Variants in CIPC observed in about 807,000 individuals in gnomAD.
CIPC encodes CLOCK interacting pacemaker.
Under a neutral mutation model 26.7 loss-of-function variants are expected in CIPC, and 12 were observed. The ratio of observed to expected loss-of-function variants is 0.45; its 90% CI spans 0.29 to 0.73. CIPC has a LOEUF of 0.73. CIPC is among the 30% of genes least tolerant of loss of function. The pLI is 0.12. For synonymous variants in CIPC, 170 were observed against 189.8 expected (o/e 0.90, Z 0.86); for missense variants, 417 against 486.5 (o/e 0.86, Z 1.34).
chr14:77,111,479 G>C (rs1347257922), intron 3 of CIPC, among the ~76,000 whole-genome samples: 1 of 152,200 alleles, frequency 6.6e-6, no homozygotes, highest in Non-Finnish European at 1.5e-5. Context: ...TCTGCATGTT[G>C]TGTAATGTCT....
chr14:77,111,205 CCTT>C (rs1390687229), intron 3 of CIPC, among the ~76,000 whole-genome samples: 1 of 152,126 alleles, frequency 6.6e-6, no homozygotes, highest in Non-Finnish European at 1.5e-5. Context: ...TGTTTATATC[CCTT>C]CTTTGTTGTA....
intron 3 of CIPC, among the ~76,000 whole-genome samples, chr14:77,112,708 T>G (rs115541540): frequency 0.025 from 3,725 of 151,924 alleles, 161 homozygotes; most frequent in African/African-American, 0.083. Flanking sequence ...TCTGTTTTTT[T>G]TTGTTGTTGT....
At chr14:77,105,883 A>C (rs1566804524) in intron 2 of CIPC, 39 bp downstream of exon 2, 6 of 1,606,778 alleles carry the variant, frequency 3.7e-6, no homozygotes, top group Non-Finnish European at 5.1e-6. Flanking sequence ...TTGTGAGTGA[A>C]TGCTTTGCGT....
Position 77,114,459 on chromosome 14 carries a change from A to G in CIPC, c.*141A>G. ...TGGTTCACTTAGGAAGCCACGTGCC[A>G]ATACCTGGCTGCTGTCTTAACTCGT... is the stretch of plus-strand genomic sequence containing the variant. On this transcript the variant is annotated 3_prime_UTR_variant, in exon 4 of 4. Transcript: ENST00000361786. 1 of 834,588 alleles carries G rather than the reference A, an allele frequency of 1.2e-6. No individual in the cohort carries two copies. The highest frequency in any genetic ancestry group is 1.9e-6 in the Non-Finnish European group (1 of 531,890). The allele number at this position is 834,588 out of a possible 1,614,324, so 51.7% of individuals were successfully genotyped here.
At chr14:77,111,232 G>A (rs1444936240) in intron 3 of CIPC, among the ~76,000 whole-genome samples, 2 of 152,128 alleles carry the variant, frequency 1.3e-5, no homozygotes, top group Non-Finnish European at 2.9e-5. Context: ...TAGGCTGGCA[G>A]CTCCAGAAGG....
At position 77,113,473 on chromosome 14, in the gene CIPC, G is replaced by A; in HGVS notation, c.355G>A (p.Glu119Lys). The change falls in exon 4 of 4, where the codon GAA (glutamate) becomes AAA (lysine). Residue 119 changes from glutamate to lysine, a missense_variant. Coordinates refer to ENST00000361786, the MANE Select transcript of CIPC (RefSeq NM_033426.3). Reference protein sequence around the residue: ...LQSWTVQPSFEVISAQPQLLF... With the variant: ...LQSWTVQPSFKVISAQPQLLF... ...GTCGTGGACTGTCCAGCCCTCCTTT[G>A]AAGTGATCTCAGCACAGCCACAGCT... 6 of 1,614,118 alleles carry A rather than the reference G, an allele frequency of 3.7e-6. No individual in the cohort carries two copies. The highest frequency in any genetic ancestry group is 5.1e-6 in the Non-Finnish European group (6 of 1,180,024).
chr14:77,107,808 C>T (rs1436524220), intron 2 of CIPC, among the ~76,000 whole-genome samples: 1 of 152,128 alleles, frequency 6.6e-6, no homozygotes, highest in Admixed American at 6.5e-5. Context: ...TGATACTTAT[C>T]ATTAGCTACA....
intron 3 of CIPC, among the ~76,000 whole-genome samples, chr14:77,110,750 C>T (rs1886682547): frequency 6.6e-6 from 1 of 152,100 alleles, no homozygotes; most frequent in Admixed American, 6.6e-5. Context: ...TTAATCTTAC[C>T]GTACTTTCCT....
chr14:77,109,094 A>G (rs367847231), intron 2 of CIPC, among the ~76,000 whole-genome samples: 1 of 152,162 alleles, frequency 6.6e-6, no homozygotes, highest in Non-Finnish European at 1.5e-5. Context: ...TGGGCACTCA[A>G]TATGTACATT....
intron 2 of CIPC, among the ~76,000 whole-genome samples, chr14:77,107,578 C>G (rs577766743): frequency 3.3e-4 from 50 of 152,134 alleles, no homozygotes; most frequent in African/African-American, 1.1e-3. Context: ...AATGAATACC[C>G]CATATGTCTA....
At position 77,117,254 on chromosome 14, in the gene CIPC, C is replaced by A. The variant is rs1238202372; in HGVS notation, c.*2936C>A. 5.9e-5 allele frequency: 9 copies of A among 152,544 alleles called. No individual in the cohort carries two copies. The highest frequency in any genetic ancestry group is 1.3e-4 in the Non-Finnish European group (9 of 68,020). 9.4% of individuals were successfully genotyped at this position (152,544 alleles called of 1,614,324 possible). ...TTTGCAGAAATTGACTGTGAAATGT[C>A]AGAGAAAAATAAAAGTCACTTACTT... On this transcript the variant is annotated 3_prime_UTR_variant, in exon 4 of 4. Transcript: ENST00000361786.
rs910585714 is a variant in CIPC, at chr14:77,104,344, G to A, written c.-52-1313G>A. On this transcript the variant is annotated intron_variant, in intron 1 of 3. Transcript: ENST00000361786. The stretch of plus-strand genomic sequence containing the variant: ...TGAGGCTGCAGCGAGCCATGATCAC[G>A]CCACTGCACTGCAGCCTGGGTGACA... Among the ~76,000 whole-genome samples the A allele has an allele frequency of 6.6e-5, 10 of 152,294 alleles. No homozygotes were observed. In the East Asian group the frequency reaches 1.7e-3, roughly 26 times the overall value.
chr14:77,101,100 C>T (rs1028667780), intron 1 of CIPC, among the ~76,000 whole-genome samples: 1 of 152,136 alleles, frequency 6.6e-6, no homozygotes, highest in Non-Finnish European at 1.5e-5. Flanking sequence ...TGGGTAAGAG[C>T]TTAGTAATCC....
chr14:77,102,742 C>A lies in CIPC; in HGVS notation c.-52-2915C>A, dbSNP rs1001506814. 1.5e-4 allele frequency among the ~76,000 whole-genome samples: 23 copies of A among 152,116 alleles called. No individual in the cohort carries two copies. In the East Asian group the frequency reaches 4.2e-3, roughly 28 times the overall value. Reference sequence around the variant, plus strand: ...ATTAGTTGCAACTAACATGAGCTACCCTCCTAATCTAAATCAACAGCCTGG... The same window carrying A: ...ATTAGTTGCAACTAACATGAGCTACACTCCTAATCTAAATCAACAGCCTGG... On this transcript the variant is annotated intron_variant, in intron 1 of 3. Coordinates refer to ENST00000361786, the MANE Select transcript of CIPC (RefSeq NM_033426.3).
chr14:77,109,687 TA>T, intron 2 of CIPC, 124 bp from the exon 3 acceptor site: 1 of 811,276 alleles, frequency 1.2e-6, no homozygotes, highest in Non-Finnish European at 1.9e-6. Context: ...TCCTTCTCAA[TA>T]AAATTCACAA....
chr14:77,104,343 C>T lies in CIPC; in HGVS notation c.-52-1314C>T, dbSNP rs140948948. Among the ~76,000 whole-genome samples, 594 of 152,322 alleles carry T rather than the reference C, an allele frequency of 3.9e-3. 3 individuals are homozygous for T. Among genetic ancestry groups the T allele is most frequent in the Non-Finnish European group, 4.9e-3 (335 of 68,028 alleles). ...TTGAGGCTGCAGCGAGCCATGATCA[C>T]GCCACTGCACTGCAGCCTGGGTGAC... On this transcript the variant is annotated intron_variant, in intron 1 of 3. Transcript: ENST00000361786.
intron 1 of CIPC, among the ~76,000 whole-genome samples, chr14:77,105,077 A>C (rs1886565963): frequency 6.6e-6 from 1 of 152,218 alleles, no homozygotes; most frequent in South Asian, 2.1e-4. Flanking sequence ...GTGTTTTTTA[A>C]GCCTAAAAGT....
At chr14:77,108,262 T>C (rs1442930341) in intron 2 of CIPC, among the ~76,000 whole-genome samples, 2 of 152,248 alleles carry the variant, frequency 1.3e-5, no homozygotes, top group Non-Finnish European at 2.9e-5. Context: ...AAGTACCCTT[T>C]TCTCTTTGTA....
intron 3 of CIPC, among the ~76,000 whole-genome samples, chr14:77,111,755 T>C (rs567369896): frequency 1.3e-5 from 2 of 152,224 alleles, no homozygotes; most frequent in East Asian, 3.9e-4. Context: ...GTTAGGAGAG[T>C]GGGCATAACA....
Sources: gnomAD v4.1 joint callset for allele counts (sites outside exome capture counted in the v4.1 genomes callset) on GRCh38, gnomAD v4.1.1 for gene constraint, MANE v1.5 for transcripts, NCBI Gene and HGNC (gene_info 2026-07-23, HGNC 2026-07-21) for gene names.